Variants in CRYZL1 observed in about 807,000 individuals in gnomAD.
The protein encoded by CRYZL1 is ferry endosomal RAB5 effector complex subunit 4.
A neutral mutation model predicts 50.6 loss-of-function variants in CRYZL1; 34 were observed. The ratio of observed to expected loss-of-function variants is 0.67; its 90% CI spans 0.51 to 0.89. The LOEUF (loss-of-function observed/expected upper bound fraction) is 0.89. Ranked by LOEUF, CRYZL1 falls within the 40% of genes least tolerant of loss-of-function variation. CRYZL1 has a pLI of 0.00. For missense variants in CRYZL1, 354 were observed against 402.3 expected (o/e 0.88, Z 1.03); for synonymous variants, 125 against 134.3 (o/e 0.93, Z 0.48).
intron 1 of CRYZL1, among the ~76,000 whole-genome samples, chr21:33,635,406 A>C (rs1038542761): frequency 7.5e-6 from 1 of 134,030 alleles, no homozygotes; most frequent in Non-Finnish European, 1.5e-5. Context: ...GCTGGAGTGC[A>C]GTGGCGCCAT....
At chr21:33,630,417 C>G (rs963083662) in intron 2 of CRYZL1, among the ~76,000 whole-genome samples, 16 of 152,064 alleles carry the variant, frequency 1.1e-4, no homozygotes, top group Admixed American at 8.5e-4. Flanking sequence ...GAAACCCTGT[C>G]TCTACTAAAA....
Position 33,591,151 on chromosome 21 carries a change from C to T in CRYZL1, c.950+11G>A, listed in dbSNP as rs765457080. 6.3e-7 allele frequency: 1 copy of T among 1,593,352 alleles called. No individual in the cohort carries two copies. The highest frequency in any genetic ancestry group is 1.1e-5 in the South Asian group (1 of 90,640). On this transcript the variant is annotated intron_variant, in intron 12 of 12. Coordinates refer to ENST00000381554, the MANE Select transcript of CRYZL1 (RefSeq NM_145858.3). ...ACAAACAAGAACAATGATTTGGTTA[C>T]TTTAGCGTACCTGAAAACACCAGTT...
chr21:33,610,541 T>A (rs1380210380), intron 6 of CRYZL1, among the ~76,000 whole-genome samples: 1 of 152,196 alleles, frequency 6.6e-6, no homozygotes, highest in Non-Finnish European at 1.5e-5. Context: ...AATGGATTTC[T>A]GGACTTTAAT....
intron 1 of CRYZL1, 35 bp from the exon 2 acceptor site, chr21:33,631,592 CA>C: frequency 7.5e-7 from 1 of 1,330,036 alleles, no homozygotes; most frequent in Non-Finnish European, 9.9e-7. Flanking sequence ...AATAAAATAA[CA>C]AGTCTTCCAG....
intron 5 of CRYZL1, among the ~76,000 whole-genome samples, chr21:33,614,594 CAG>C (rs1172189206): frequency 2.6e-5 from 4 of 151,278 alleles, no homozygotes; most frequent in African/African-American, 9.8e-5. Context: ...TTTTTTGAGA[CAG>C]AGTCTCGCTC....
intron 8 of CRYZL1, among the ~76,000 whole-genome samples, chr21:33,601,420 C>G (rs1347916195): frequency 6.6e-6 from 1 of 152,106 alleles, no homozygotes; most frequent in African/African-American, 2.4e-5. Flanking sequence ...CAGTCCTTTA[C>G]TAGGTGTATA....
chr21:33,623,216 G>A (rs752371835), intron 3 of CRYZL1, among the ~76,000 whole-genome samples: 2 of 151,902 alleles, frequency 1.3e-5, no homozygotes, highest in Non-Finnish European at 2.9e-5. Context: ...TGCCTGCCTC[G>A]GCCTCCCAAA....
At chr21:33,633,957 A>G (rs1338771868) in intron 1 of CRYZL1, among the ~76,000 whole-genome samples, 2 of 152,234 alleles carry the variant, frequency 1.3e-5, no homozygotes, top group East Asian at 1.9e-4. Context: ...ACTTGGATCC[A>G]AATACGTAAA....
At chr21:33,640,213 T>C (rs1454913897) in intron 1 of CRYZL1, 2 of 1,547,154 alleles carry the variant, frequency 1.3e-6, no homozygotes, top group African/African-American at 1.4e-5. Context: ...TAGTTAATCT[T>C]AGAAATATTT....
intron 6 of CRYZL1, among the ~76,000 whole-genome samples, chr21:33,609,179 T>C (rs1569086347): frequency 6.6e-6 from 1 of 152,214 alleles, no homozygotes; most frequent in Non-Finnish European, 1.5e-5. Flanking sequence ...AATTGTTTTT[T>C]TCTTCTTGCT....
At chr21:33,603,570 A>T in intron 6 of CRYZL1, 33 bp from the exon 7 acceptor site, 1 of 1,612,240 alleles carries the variant, frequency 6.2e-7, no homozygotes, top group Non-Finnish European at 8.5e-7. Context: ...ACAATCTGTT[A>T]GCAAGTCCCA....
chr21:33,641,621 C>T (rs541324868), intron 1 of CRYZL1, 60 bp downstream of exon 1: 1 of 188,204 alleles, frequency 5.3e-6, no homozygotes, highest in Non-Finnish European at 1.1e-5. Flanking sequence ...TGGGGCATCT[C>T]TCCACCTTTC....
chr21:33,614,392 G>A (rs2145938647), intron 5 of CRYZL1, among the ~76,000 whole-genome samples: 1 of 152,214 alleles, frequency 6.6e-6, no homozygotes, highest in East Asian at 1.9e-4. Flanking sequence ...AGGAGGCTGA[G>A]GCAGGAGGAC....
rs140374893 is a variant in CRYZL1, at chr21:33,609,741, T to C, written c.331+3797A>G. The stretch of plus-strand genomic sequence containing the variant: ...ACAGAGTCTCGCTCTATCGCTCTGT[T>C]GCCCAGGCTGGAGTGCAGTGGCGCG... On this transcript the variant is annotated intron_variant, in intron 6 of 12. Transcript: ENST00000381554. Among the ~76,000 whole-genome samples, 910 of 152,010 alleles carry C rather than the reference T, an allele frequency of 6.0e-3. 14 individuals are homozygous for C. The highest frequency in any genetic ancestry group is 0.021 in the African/African-American group (861 of 41,468).
In CRYZL1 at chr21:33,603,408, G is replaced by C. The variant is rs780539959; in HGVS notation, c.461C>G (p.Ala154Gly). The change falls in exon 7 of 13, where the codon GCA (alanine) becomes GGA (glycine). Residue 154 changes from alanine to glycine, a missense_variant. Physicochemically the swap from Ala to Gly is moderately conservative, Grantham distance 60 (BLOSUM62 0). Transcript: ENST00000381554. ...PGKSVLIMDG[A>G]SAFGTIAIQL... The stretch of plus-strand genomic sequence containing the variant: ...AACAAAACCATTAGCACCTACACTT[G>C]CTCCATCCATTATCAGCACTGATTT... 118 of 1,613,778 alleles carry C rather than the reference G, an allele frequency of 7.3e-5. No individual in the cohort carries two copies. Among genetic ancestry groups the C allele is most frequent in the Non-Finnish European group, 9.7e-5 (115 of 1,179,970 alleles).
At chr21:33,603,779 A>G (rs1408309523) in intron 6 of CRYZL1, among the ~76,000 whole-genome samples, 1 of 152,236 alleles carries the variant, frequency 6.6e-6, no homozygotes, top group Non-Finnish European at 1.5e-5. Context: ...AAGTATGTAA[A>G]ATATAAAATA....
intron 4 of CRYZL1, among the ~76,000 whole-genome samples, chr21:33,621,466 C>T (rs375998166): frequency 2.6e-5 from 4 of 151,760 alleles, no homozygotes; most frequent in South Asian, 2.1e-4. Flanking sequence ...CTCAGCCTCC[C>T]GAGTAGCTGA....
chr21:33,630,646 T>A (rs551483207), intron 2 of CRYZL1, among the ~76,000 whole-genome samples: 7 of 151,290 alleles, frequency 4.6e-5, no homozygotes, highest in African/African-American at 1.7e-4. Flanking sequence ...TGGGTATACA[T>A]ACATCCAAAG....
chr21:33,628,646 G>T (rs2087098881), intron 2 of CRYZL1, among the ~76,000 whole-genome samples: 2 of 146,668 alleles, frequency 1.4e-5, no homozygotes, highest in Non-Finnish European at 3.0e-5. Flanking sequence ...CTGTCGCCCA[G>T]ACTGGGGTGC....
Sources: allele counts gnomAD v4.1 joint callset (sites outside exome capture counted in the v4.1 genomes callset), GRCh38; gene constraint gnomAD v4.1.1; transcripts MANE v1.5; gene names NCBI Gene and HGNC (gene_info 2026-07-23, HGNC 2026-07-21).